The following GRID1 variants were observed in gnomAD, a reference collection of about 807,000 sequenced individuals.
GRID1 encodes the protein glutamate ionotropic receptor delta type subunit 1.
Under a neutral mutation model 98.0 loss-of-function variants are expected in GRID1, and 28 were observed. The ratio of observed to expected loss-of-function variants is 0.29; its 90% CI spans 0.21 to 0.39. The LOEUF (loss-of-function observed/expected upper bound fraction) is 0.39. GRID1 is among the 10% of genes least tolerant of loss of function. The probability of loss-of-function intolerance (pLI) is 1.00; values close to 1 mark genes in which losing one functional copy is unlikely to be tolerated. For missense variants in GRID1, 1,111 were observed against 1,340.5 expected (o/e 0.83, Z 2.67); for synonymous variants, 553 against 538.5 (o/e 1.03, Z -0.37).
chr10:86,185,940 A>T (rs1027364041), intron 3 of GRID1, among the ~76,000 whole-genome samples: 1 of 152,222 alleles, frequency 6.6e-6, no homozygotes, highest in Admixed American at 6.5e-5. Context: ...ATCTAATAGT[A>T]TAAGTTTGGA....
At chr10:85,648,826 G>A (rs1035194393) in intron 12 of GRID1, among the ~76,000 whole-genome samples, 4 of 152,128 alleles carry the variant, frequency 2.6e-5, no homozygotes, top group African/African-American at 9.7e-5. Flanking sequence ...CACACCTTGT[G>A]GGCTTCTATG....
At chr10:85,966,672 G>C (rs550445008) in intron 4 of GRID1, among the ~76,000 whole-genome samples, 1 of 152,118 alleles carries the variant, frequency 6.6e-6, no homozygotes, top group Non-Finnish European at 1.5e-5. Context: ...AAATTAGCTG[G>C]ACATGGTGGT....
intron 4 of GRID1, among the ~76,000 whole-genome samples, chr10:86,003,190 C>T (rs1181369412): frequency 6.6e-6 from 1 of 152,178 alleles, no homozygotes; most frequent in Admixed American, 6.5e-5. Context: ...GTGTCAAGCA[C>T]GTGTTGAGCC....
chr10:86,280,091 T>A (rs576686364), intron 2 of GRID1, among the ~76,000 whole-genome samples: 4 of 152,162 alleles, frequency 2.6e-5, no homozygotes, highest in South Asian at 2.1e-4. Flanking sequence ...TACTCGCAGC[T>A]ACCCAGGAGG....
intron 2 of GRID1, among the ~76,000 whole-genome samples, chr10:86,224,664 C>T (rs927547399): frequency 6.6e-6 from 1 of 152,238 alleles, no homozygotes; most frequent in Non-Finnish European, 1.5e-5. Context: ...GCTGAGGAGA[C>T]AGCCAGCTGC....
At chr10:85,790,136 C>T (rs550983766) in intron 8 of GRID1, among the ~76,000 whole-genome samples, 1 of 152,346 alleles carries the variant, frequency 6.6e-6, no homozygotes, top group East Asian at 1.9e-4. Context: ...TCTCCTATCA[C>T]AGCGCTCCAG....
intron 12 of GRID1, among the ~76,000 whole-genome samples, chr10:85,704,099 G>C (rs961282748): frequency 6.6e-6 from 1 of 152,082 alleles, no homozygotes; most frequent in Non-Finnish European, 1.5e-5. Flanking sequence ...ATAATGACAG[G>C]ATCAAATTCA....
chr10:85,923,227 C>T (rs1367769030), intron 4 of GRID1, among the ~76,000 whole-genome samples: 1 of 152,120 alleles, frequency 6.6e-6, no homozygotes, highest in Non-Finnish European at 1.5e-5. Flanking sequence ...ACAGGAAACA[C>T]CCCATCTGGG....
At chr10:85,695,792 C>G (rs1399725060) in intron 12 of GRID1, among the ~76,000 whole-genome samples, 1 of 152,026 alleles carries the variant, frequency 6.6e-6, no homozygotes, top group Non-Finnish European at 1.5e-5. Flanking sequence ...AAAAAACAAG[C>G]CAGCTGCTCT....
chr10:85,842,483 T>C (rs933477404), intron 8 of GRID1, among the ~76,000 whole-genome samples: 2 of 151,724 alleles, frequency 1.3e-5, no homozygotes, highest in African/African-American at 4.8e-5. Flanking sequence ...ATTTAAAAAA[T>C]CAATAAAAGT....
intron 4 of GRID1, among the ~76,000 whole-genome samples, chr10:86,017,172 G>C (rs1273887321): frequency 6.6e-6 from 1 of 152,208 alleles, no homozygotes; most frequent in African/African-American, 2.4e-5. Context: ...ATTTGTTTGA[G>C]ACAATAACTC....
chr10:85,765,333 C>T (rs987284924), intron 8 of GRID1, among the ~76,000 whole-genome samples: 5 of 152,186 alleles, frequency 3.3e-5, no homozygotes, highest in Admixed American at 2.0e-4. Context: ...TCCTGTTGCT[C>T]TGGCAATGCT....
intron 2 of GRID1, among the ~76,000 whole-genome samples, chr10:86,361,715 A>C (rs1346422622): frequency 2.6e-5 from 4 of 152,206 alleles, no homozygotes; most frequent in Non-Finnish European, 1.5e-5. Context: ...CAATAGCTTT[A>C]AATCAAAATT....
chr10:86,346,370 C>T (rs115052914), intron 2 of GRID1, among the ~76,000 whole-genome samples: 92 of 152,370 alleles, frequency 6.0e-4, no homozygotes, highest in African/African-American at 2.2e-3. Context: ...CTGGTGCTGG[C>T]TGGCAGAGCT....
chr10:85,670,363 G>T (rs1345748896), intron 12 of GRID1, among the ~76,000 whole-genome samples: 1 of 152,132 alleles, frequency 6.6e-6, no homozygotes, highest in Non-Finnish European at 1.5e-5. Flanking sequence ...GATTCTGCCT[G>T]CCCCCTGAAT....
chr10:86,062,972 G>A (rs1480983023), intron 4 of GRID1, among the ~76,000 whole-genome samples: 1 of 152,242 alleles, frequency 6.6e-6, no homozygotes, highest in Non-Finnish European at 1.5e-5. Flanking sequence ...AGGGTGGTGG[G>A]TCCTACCCAG....
intron 13 of GRID1, among the ~76,000 whole-genome samples, chr10:85,631,433 ATTCCCTTTTGGGGCCTC>A (rs1842974486): frequency 6.6e-6 from 1 of 152,232 alleles, no homozygotes; most frequent in Non-Finnish European, 1.5e-5. Flanking sequence ...TTATGGCTGC[ATTCCCTTTTGGGGCCTC>A]CAGCACTTTG....
intron 4 of GRID1, among the ~76,000 whole-genome samples, chr10:85,934,445 C>T (rs983446009): frequency 6.9e-6 from 1 of 145,864 alleles, no homozygotes; most frequent in African/African-American, 2.7e-5. Flanking sequence ...CACACACACA[C>T]ACACACACAC....
intron 4 of GRID1, among the ~76,000 whole-genome samples, chr10:85,955,684 G>A (rs1246661939): frequency 6.6e-6 from 1 of 152,170 alleles, no homozygotes; most frequent in African/African-American, 2.4e-5. Flanking sequence ...AGAGCAAGTG[G>A]AGACTCCAGG....
Sources: allele counts gnomAD v4.1 joint callset (sites outside exome capture counted in the v4.1 genomes callset), GRCh38; gene constraint gnomAD v4.1.1; transcripts MANE v1.5; gene names NCBI Gene and HGNC (gene_info 2026-07-23, HGNC 2026-07-21).